EDNRA: variants seen among roughly 807,000 people sequenced by gnomAD.
EDNRA encodes endothelin-1 receptor.
In EDNRA, 11 loss-of-function variants were observed where a neutral mutation model predicts 41.4. The ratio of observed to expected loss-of-function variants is 0.27; its 90% CI spans 0.17 to 0.44. The LOEUF (loss-of-function observed/expected upper bound fraction) is 0.44. Among genes scored for constraint, EDNRA ranks in the 20% least tolerant of loss-of-function variants. The probability of loss-of-function intolerance (pLI) is 1.00; values close to 1 mark genes in which losing one functional copy is unlikely to be tolerated. For missense variants in EDNRA, 294 were observed against 531.0 expected (o/e 0.55, Z 4.39); for synonymous variants, 172 against 183.0 (o/e 0.94, Z 0.49).
At chr4:147,520,862 T>G (rs1402390541) in intron 3 of EDNRA, among the ~76,000 whole-genome samples, 1 of 152,256 alleles carries the variant, frequency 6.6e-6, no homozygotes, top group Non-Finnish European at 1.5e-5. Context: ...TATTCTGTTA[T>G]TTTACATTTA....
At chr4:147,517,711 GAAAGAC>G (rs1163447065) in intron 2 of EDNRA, among the ~76,000 whole-genome samples, 1 of 152,168 alleles carries the variant, frequency 6.6e-6, no homozygotes, top group African/African-American at 2.4e-5. Context: ...TTGTCTCAAA[GAAAGAC>G]AATTCCATGA....
intron 2 of EDNRA, among the ~76,000 whole-genome samples, chr4:147,504,139 AT>A (rs1277328978): frequency 2.6e-5 from 4 of 152,188 alleles, no homozygotes; most frequent in African/African-American, 9.7e-5. Flanking sequence ...ACAAAAAAAA[AT>A]GTCGTTTAAA....
rs180784706 is a variant in EDNRA at position 147,486,737 on chromosome 4, C to T, written c.420+636C>T. On this transcript the variant is annotated intron_variant, in intron 2 of 7. Coordinates refer to ENST00000651419, the MANE Select transcript of EDNRA (RefSeq NM_001957.4). The surrounding 1 kb of genome is among the most constrained non-coding windows in gnomAD (Gnocchi z 4.3). Reference sequence around the variant, plus strand: ...AAATTTGCCTGCTTTACTGTGGTCTCCTTCATTTCTTCAGTCTGCATTTAT... The same window carrying T: ...AAATTTGCCTGCTTTACTGTGGTCTTCTTCATTTCTTCAGTCTGCATTTAT... Among the ~76,000 whole-genome samples the T allele has an allele frequency of 4.6e-5, 7 of 152,090 alleles. No individual in the cohort carries two copies. The highest frequency in any genetic ancestry group is 2.1e-4 in the South Asian group (1 of 4,808).
intron 3 of EDNRA, among the ~76,000 whole-genome samples, chr4:147,527,979 C>T (rs1414605673): frequency 6.6e-6 from 1 of 152,150 alleles, no homozygotes; most frequent in East Asian, 1.9e-4. Context: ...ATCTGGTCCT[C>T]TAAAAGTATT....
chr4:147,540,578 T>G, intron 7 of EDNRA, 93 bp downstream of exon 7: 1 of 812,772 alleles, frequency 1.2e-6, no homozygotes, highest in Admixed American at 2.6e-5. Flanking sequence ...AATATTACTT[T>G]GATCAGCTAT....
intron 3 of EDNRA, among the ~76,000 whole-genome samples, chr4:147,525,194 A>ATT (rs1330018748): frequency 6.6e-6 from 1 of 152,246 alleles, no homozygotes; most frequent in Non-Finnish European, 1.5e-5. Flanking sequence ...ATCAAAGAAA[A>ATT]TATCTAGCTT....
chr4:147,485,975 T>C lies in EDNRA; in HGVS notation c.294T>C (p.Asn98=), dbSNP rs1400736014. The C allele has an allele frequency of 6.2e-7, 1 of 1,614,164 alleles. No homozygotes were observed. The highest frequency in any genetic ancestry group is 8.5e-7 in the Non-Finnish European group (1 of 1,180,052). The change falls in exon 2 of 8, where the codon AAT becomes AAC. Residue 98 remains asparagine, a synonymous_variant. Coordinates refer to ENST00000651419, the MANE Select transcript of EDNRA (RefSeq NM_001957.4). The part of the protein sequence containing the change: ...CTIFIVGMVG[N]ATLLRIIYQN... ...TTTTCATCGTGGGAATGGTGGGGAA[T>C]GCAACTCTGCTCAGGATCATTTACC...
rs752003757 is a variant in EDNRA, at chr4:147,543,947, T to C, written c.*1329T>C. 2 of 152,592 alleles carry C rather than the reference T, an allele frequency of 1.3e-5. No homozygotes were observed. The highest frequency in any genetic ancestry group is 2.9e-5 in the Non-Finnish European group (2 of 68,026). The allele number at this position is 152,592 out of a possible 1,614,324, so 9.5% of individuals were successfully genotyped here. ...CTTTTGCTGGGCATTTTCCCAGATG[T>C]TTACAGACTGTGAGTACAGCAGAAA... On this transcript the variant is annotated 3_prime_UTR_variant, in exon 8 of 8. Transcript: ENST00000651419.
At chr4:147,525,162 A>C (rs1730490052) in intron 3 of EDNRA, among the ~76,000 whole-genome samples, 2 of 152,246 alleles carry the variant, frequency 1.3e-5, no homozygotes, top group Non-Finnish European at 2.9e-5. Flanking sequence ...TTCGTCAATC[A>C]ATGATTACAG....
At chr4:147,537,960 T>G (rs1179289280) in intron 5 of EDNRA, among the ~76,000 whole-genome samples, 1 of 152,168 alleles carries the variant, frequency 6.6e-6, no homozygotes, top group African/African-American at 2.4e-5. Flanking sequence ...TCTGTGGGGC[T>G]CATAGTTTTG....
intron 2 of EDNRA, chr4:147,489,661 G>C (rs956671689): frequency 2.6e-5 from 4 of 152,102 alleles, no homozygotes; most frequent in African/African-American, 9.7e-5. Flanking sequence ...TGGTGGCTCT[G>C]GATGGCCTGT....
chr4:147,528,317 A>T (rs1015611835), intron 3 of EDNRA, among the ~76,000 whole-genome samples: 2 of 151,322 alleles, frequency 1.3e-5, no homozygotes, highest in Admixed American at 6.6e-5. Flanking sequence ...GCCTTTATGA[A>T]GCTTATATGC....
intron 3 of EDNRA, among the ~76,000 whole-genome samples, chr4:147,523,057 GT>G (rs1730380362): frequency 6.6e-6 from 1 of 152,236 alleles, no homozygotes; most frequent in African/African-American, 2.4e-5. Flanking sequence ...AAAGAGTTAA[GT>G]TTTGTCTAAA....
chr4:147,485,987 C>G lies in EDNRA; in HGVS notation c.306C>G (p.Leu102=). ...IVGMVGNATL[L]RIIYQNKCMR... is the part of the protein sequence containing the mutation. ...GAATGGTGGGGAATGCAACTCTGCT[C>G]AGGATCATTTACCAGAACAAATGTA... is the stretch of plus-strand genomic sequence containing the variant. The change falls in exon 2 of 8, where the codon CTC becomes CTG. Residue 102 remains leucine (L), a synonymous_variant. Coordinates refer to ENST00000651419, the MANE Select transcript of EDNRA (RefSeq NM_001957.4). 2 of 1,614,240 alleles carry G rather than the reference C, an allele frequency of 1.2e-6. No individual in the cohort carries two copies. The highest frequency in any genetic ancestry group is 1.7e-6 in the Non-Finnish European group (2 of 1,180,052).
At chr4:147,497,632 C>T (rs868743387) in intron 2 of EDNRA, among the ~76,000 whole-genome samples, 2 of 151,622 alleles carry the variant, frequency 1.3e-5, no homozygotes, top group East Asian at 1.9e-4. Context: ...AGTGCAGTGG[C>T]GCGATCTTGG....
At chr4:147,523,480 G>GTTTTTT (rs1288499519) in intron 3 of EDNRA, among the ~76,000 whole-genome samples, 1 of 140,556 alleles carries the variant, frequency 7.1e-6, no homozygotes, top group Non-Finnish European at 1.5e-5. Context: ...TGTTGTTGTT[G>GTTTTTT]TTTTTTTGTT....
At chr4:147,492,108 T>C (rs1729157836) in intron 2 of EDNRA, 1 of 152,248 alleles carries the variant, frequency 6.6e-6, no homozygotes, top group South Asian at 2.1e-4. Context: ...CTTTGGCAAG[T>C]ATCCATGATC....
chr4:147,516,528 C>T (rs1730122621), intron 2 of EDNRA, among the ~76,000 whole-genome samples: 1 of 152,198 alleles, frequency 6.6e-6, no homozygotes, highest in Non-Finnish European at 1.5e-5. Flanking sequence ...GTCATCCATT[C>T]ATCCAGCACC....
intron 5 of EDNRA, among the ~76,000 whole-genome samples, chr4:147,536,674 A>G (rs551962452): frequency 6.2e-4 from 94 of 152,346 alleles, no homozygotes; most frequent in African/African-American, 2.2e-3. Flanking sequence ...GCAATGTCTA[A>G]TGTGAGACTT....
Sources: gnomAD v4.1 joint callset for allele counts (sites outside exome capture counted in the v4.1 genomes callset) on GRCh38, gnomAD v4.1.1 for gene constraint, Gnocchi (gnomAD v3.1) non-coding constraint, MANE v1.5 for transcripts, NCBI Gene and HGNC (gene_info 2026-07-23, HGNC 2026-07-21) for gene names.